C4orf36: variants seen among roughly 807,000 people sequenced by gnomAD.
The protein encoded by C4orf36 is uncharacterized protein C4orf36.
Under a neutral mutation model 12.2 loss-of-function variants are expected in C4orf36, and 11 were observed. The ratio of observed to expected loss-of-function variants is 0.90; its 90% CI spans 0.57 to 1.49. The LOEUF is 1.49. C4orf36 is among the 40% of genes most tolerant of loss of function. The probability of loss-of-function intolerance (pLI) is 0.00; values close to 1 mark genes in which losing one functional copy is unlikely to be tolerated. For synonymous variants in C4orf36, 54 were observed against 51.3 expected, an observed-to-expected ratio of 1.05 and a Z score of -0.22; for missense variants, 137 against 133.9, an observed-to-expected ratio of 1.02 and a Z score of -0.11.
At chr4:86,916,365 CAAA>C in the C4orf36 span, among the ~76,000 whole-genome samples, 376 of 95,862 alleles carry the variant, frequency 3.9e-3, 2 homozygotes, top group East Asian at 0.016. Flanking sequence ...TATGTGGATG[CAAA>C]AAAAAAAAAA....
intron 1 of C4orf36, 129 bp downstream of exon 1, chr4:86,892,054 G>T: frequency 1.0e-6 from 1 of 986,340 alleles, no homozygotes; most frequent in Non-Finnish European, 1.2e-6. Context: ...TTCGGGGCGA[G>T]TCCCCTACCC....
chr4:86,878,234 C>T (rs901900445), intron 4 of C4orf36, among the ~76,000 whole-genome samples: 9 of 152,082 alleles, frequency 5.9e-5, no homozygotes, highest in Admixed American at 2.0e-4. Flanking sequence ...TTGGAGGAGG[C>T]GCATGCTCTC....
chr4:86,910,813 C>A, the C4orf36 span, among the ~76,000 whole-genome samples: 2 of 152,234 alleles, frequency 1.3e-5, no homozygotes, highest in African/African-American at 4.8e-5. Flanking sequence ...TGTCTGTAAT[C>A]CCAGCACTTC....
At chr4:86,891,689 T>C in intron 1 of C4orf36, 96 bp from the exon 2 acceptor site, 1 of 1,161,022 alleles carries the variant, frequency 8.6e-7, no homozygotes, top group Non-Finnish European at 1.2e-6. Context: ...AAGTCCTTAA[T>C]AAGTGTTCAT....
the C4orf36 span, among the ~76,000 whole-genome samples, chr4:86,922,789 T>C: frequency 6.6e-6 from 1 of 152,106 alleles, no homozygotes; most frequent in African/African-American, 2.4e-5. Flanking sequence ...CATTTACACA[T>C]ATAATTTCTC....
the C4orf36 span, among the ~76,000 whole-genome samples, chr4:86,928,746 T>A: frequency 6.6e-6 from 1 of 152,220 alleles, no homozygotes; most frequent in African/African-American, 2.4e-5. Context: ...GACATATTGA[T>A]GTCTTTTTAG....
Position 86,892,240 on chromosome 4 carries a change from G to A in C4orf36, c.-131C>T, listed in dbSNP as rs2149424854. ...ATGCGCTGTGTGCGCGGGGCTTCCA[G>A]GGTGGCGGGTCCCCGCGAGCCGGCG... On this transcript the variant is annotated 5_prime_UTR_variant, in exon 1 of 5. Transcript: ENST00000295898. The A allele has an allele frequency of 1.0e-6, 1 of 985,850 alleles. No individual in the cohort carries two copies. The highest frequency in any genetic ancestry group is 1.2e-6 in the Non-Finnish European group (1 of 830,276). The allele number at this position is 985,850 out of a possible 1,614,324, so 61.1% of individuals were successfully genotyped here. A position where few individuals can be genotyped will look rare whatever the true frequency, so the allele number is the denominator to read the frequency against.
chr4:86,879,053 T>C (rs1746986237), intron 4 of C4orf36, among the ~76,000 whole-genome samples: 1 of 48,206 alleles, frequency 2.1e-5, no homozygotes, highest in Admixed American at 2.6e-4. Flanking sequence ...GAGGTAGCTG[T>C]TTTTTATTTG....
chr4:86,892,823 T>C (rs571271038), upstream of C4orf36, among the ~76,000 whole-genome samples: 4 of 152,340 alleles, frequency 2.6e-5, no homozygotes, highest in East Asian at 7.7e-4. Context: ...CAAGACAGCA[T>C]CAATTTCTAA....
chr4:86,913,949 C>CA, the C4orf36 span: 1 of 1,498,372 alleles, frequency 6.7e-7, no homozygotes, highest in Non-Finnish European at 9.2e-7. Context: ...CTCAGCCTCC[C>CA]GAGTAGCTGT....
chr4:86,894,098 C>T (rs1216048966), upstream of C4orf36, among the ~76,000 whole-genome samples: 3 of 151,946 alleles, frequency 2.0e-5, no homozygotes, highest in Non-Finnish European at 4.4e-5. Flanking sequence ...GGGGTTTCAC[C>T]GTGTTAGCCA....
chr4:86,914,322 C>T, the C4orf36 span: 297 of 1,570,220 alleles, frequency 1.9e-4, no homozygotes, highest in Non-Finnish European at 2.5e-4. Flanking sequence ...CCAGTCAATA[C>T]CTGTGATATG....
upstream of C4orf36, chr4:86,892,444 G>C: frequency 1.0e-6 from 1 of 985,468 alleles, no homozygotes; most frequent in South Asian, 4.7e-5. Context: ...CGTCACACGG[G>C]AGCCTCAACA....
upstream of C4orf36, chr4:86,892,442 G>T (rs949827204): frequency 2.0e-6 from 2 of 985,244 alleles, no homozygotes; most frequent in Non-Finnish European, 2.4e-6. Flanking sequence ...CGCGTCACAC[G>T]GGAGCCTCAA....
the C4orf36 span, among the ~76,000 whole-genome samples, chr4:86,908,142 C>G: frequency 6.7e-6 from 1 of 150,082 alleles, no homozygotes; most frequent in South Asian, 2.1e-4. Flanking sequence ...GAATGTATTC[C>G]CCTTTGGAGA....
the C4orf36 span, chr4:86,914,391 CTTTTTT>C: frequency 2.5e-3 from 802 of 326,760 alleles, no homozygotes; most frequent in South Asian, 3.2e-3. Context: ...CTTCTTCTTC[CTTTTTT>C]TTTTTTTTTT....
chr4:86,887,935 C>T (rs1303855999), intron 3 of C4orf36, 42 bp from the exon 4 acceptor site: 1 of 1,610,910 alleles, frequency 6.2e-7, no homozygotes, highest in Non-Finnish European at 8.5e-7. Context: ...ATACATTTTT[C>T]ATCAGGCATA....
At chr4:86,931,370 C>T in the C4orf36 span, among the ~76,000 whole-genome samples, 1 of 152,084 alleles carries the variant, frequency 6.6e-6, no homozygotes. Context: ...CCGCTTTCCC[C>T]GGAGTCTGGG....
chr4:86,880,369 G>A (rs929271861), intron 4 of C4orf36, among the ~76,000 whole-genome samples: 1 of 152,188 alleles, frequency 6.6e-6, no homozygotes, highest in East Asian at 1.9e-4. Flanking sequence ...GCAGAGAATT[G>A]CTTGAGCCCA....
Sources: gnomAD v4.1 joint callset for allele counts (sites outside exome capture counted in the v4.1 genomes callset) on GRCh38, gnomAD v4.1.1 for gene constraint, MANE v1.5 for transcripts, NCBI Gene and HGNC (gene_info 2026-07-23, HGNC 2026-07-21) for gene names.